Variants in GBE1 observed in about 807,000 individuals in gnomAD.
GBE1 encodes 1,4-alpha-glucan-branching enzyme.
In GBE1, 70 loss-of-function variants were observed where a neutral mutation model predicts 88.8. The ratio of observed to expected loss-of-function variants is 0.79; its 90% CI spans 0.65 to 0.96. The LOEUF (loss-of-function observed/expected upper bound fraction) is 0.96. GBE1 is among the 40% of genes least tolerant of loss of function. The pLI is 0.00. For synonymous variants in GBE1, 284 were observed against 300.1 expected (o/e 0.95, Z 0.56); for missense variants, 872 against 871.0 (o/e 1.00, Z -0.01).
At chr3:81,561,622 G>A (rs1703418074) in intron 12 of GBE1, among the ~76,000 whole-genome samples, 2 of 151,978 alleles carry the variant, frequency 1.3e-5, no homozygotes, top group Non-Finnish European at 2.9e-5. Context: ...AATTCTGGTG[G>A]CAAAAGGTCA....
At chr3:81,510,517 T>G (rs1702711676) in intron 14 of GBE1, among the ~76,000 whole-genome samples, 1 of 152,068 alleles carries the variant, frequency 6.6e-6, no homozygotes, top group Admixed American at 6.6e-5. Context: ...CATCATCACT[T>G]CAGTCTTTCC....
At chr3:81,695,805 C>A (rs1255505726) in intron 2 of GBE1, among the ~76,000 whole-genome samples, 1 of 152,062 alleles carries the variant, frequency 6.6e-6, no homozygotes, top group East Asian at 1.9e-4. Flanking sequence ...AAGGTCATTC[C>A]TTCTTGCTGA....
At chr3:81,504,817 G>A (rs1052238877) in intron 14 of GBE1, among the ~76,000 whole-genome samples, 4 of 152,158 alleles carry the variant, frequency 2.6e-5, no homozygotes, top group Non-Finnish European at 5.9e-5. Context: ...TTGATAAAGT[G>A]TCTGTTCAAA....
intron 2 of GBE1, among the ~76,000 whole-genome samples, chr3:81,683,519 C>T (rs1462646035): frequency 6.6e-6 from 1 of 152,110 alleles, no homozygotes; most frequent in East Asian, 1.9e-4. Flanking sequence ...AACAACTTAA[C>T]AACATTCAAA....
chr3:81,492,024 CTTCAA>C (rs1016893919), intron 15 of GBE1, among the ~76,000 whole-genome samples: 1 of 152,136 alleles, frequency 6.6e-6, no homozygotes, highest in Non-Finnish European at 1.5e-5. Flanking sequence ...TTTTTCTAAT[CTTCAA>C]TTCAAAGTAA....
At chr3:81,501,475 T>G (rs532580466) in intron 14 of GBE1, among the ~76,000 whole-genome samples, 2 of 152,068 alleles carry the variant, frequency 1.3e-5, no homozygotes, top group Admixed American at 1.3e-4. Flanking sequence ...CAGCTCAAAA[T>G]AATCAATAAG....
In GBE1 at chr3:81,631,590, A is replaced by C. The variant is rs113453195; in HGVS notation, c.992+11191T>G. 2.5e-3 allele frequency among the ~76,000 whole-genome samples: 386 copies of C among 151,500 alleles called. 3 individuals carry two copies. Among genetic ancestry groups the C allele is most frequent in the Middle Eastern group, 0.014 (4 of 294 alleles). ...TCTCTACTAAAATACAAAAAAAAAA[A>C]CAAAAAATTAGCCAGGTGTGGTGGT... On this transcript the variant is annotated intron_variant, in intron 7 of 15. Transcript: ENST00000429644.
intron 6 of GBE1, among the ~76,000 whole-genome samples, chr3:81,645,337 A>T (rs578163512): frequency 4.3e-4 from 65 of 152,296 alleles, no homozygotes; most frequent in African/African-American, 1.5e-3. Context: ...CAACAAGAGG[A>T]GGTTAAAATA....
intron 1 of GBE1, among the ~76,000 whole-genome samples, 162 bp from the exon 2 acceptor site, chr3:81,705,775 G>C (rs1210277630): frequency 6.6e-6 from 1 of 152,014 alleles, no homozygotes; most frequent in African/African-American, 2.4e-5. Context: ...TACCTGGTAG[G>C]ATAAAATCAT....
At chr3:81,685,929 G>A (rs1705430905) in intron 2 of GBE1, among the ~76,000 whole-genome samples, 1 of 152,144 alleles carries the variant, frequency 6.6e-6, no homozygotes, top group Admixed American at 6.5e-5. Flanking sequence ...CTGCTAAAAT[G>A]TGTCTGAAAT....
At chr3:81,760,824 A>G (rs1706669492) in intron 1 of GBE1, among the ~76,000 whole-genome samples, 1 of 152,238 alleles carries the variant, frequency 6.6e-6, no homozygotes, top group Non-Finnish European at 1.5e-5. Context: ...AAATTGATCA[A>G]TGTAGGTGTA....
intron 10 of GBE1, among the ~76,000 whole-genome samples, chr3:81,582,856 A>ACAAGGGAC (rs1437824655): frequency 6.6e-6 from 1 of 152,108 alleles, no homozygotes; most frequent in Non-Finnish European, 1.5e-5. Context: ...AGAGACCTAT[A>ACAAGGGAC]CAAGGGAAAA....
intron 1 of GBE1, among the ~76,000 whole-genome samples, chr3:81,729,926 C>T (rs1213462512): frequency 6.6e-6 from 1 of 152,130 alleles, no homozygotes; most frequent in Non-Finnish European, 1.5e-5. Context: ...GACTGATCAA[C>T]CAACTGTGTG....
At chr3:81,665,256 G>T (rs1327201248) in intron 3 of GBE1, among the ~76,000 whole-genome samples, 1 of 152,024 alleles carries the variant, frequency 6.6e-6, no homozygotes, top group African/African-American at 2.4e-5. Context: ...TTTGTTGGCC[G>T]GGCGTGGTGG....
In GBE1 at chr3:81,490,270, A is replaced by C; in HGVS notation, c.*137T>G. 1 of 726,816 alleles carries C rather than the reference A, an allele frequency of 1.4e-6. No individual in the cohort carries two copies. Among genetic ancestry groups the C allele is most frequent in the South Asian group, 1.6e-5 (1 of 61,002 alleles). 45.0% of individuals were successfully genotyped at this position (726,816 alleles called of 1,614,324 possible). On this transcript the variant is annotated 3_prime_UTR_variant, in exon 16 of 16. Coordinates refer to ENST00000429644, the MANE Select transcript of GBE1 (RefSeq NM_000158.4). Reference sequence around the variant, plus strand: ...AAAGTTTGCTGTATTTGCATAAACCAATATTGAATTTCAGACACTTGATGG... The same window carrying C: ...AAAGTTTGCTGTATTTGCATAAACCCATATTGAATTTCAGACACTTGATGG...
At chr3:81,574,271 T>C (rs559917083) in intron 12 of GBE1, among the ~76,000 whole-genome samples, 15 of 152,314 alleles carry the variant, frequency 9.8e-5, no homozygotes, top group Non-Finnish European at 2.1e-4. Flanking sequence ...ATATAGTTAA[T>C]GGAGTAACTG....
intron 3 of GBE1, among the ~76,000 whole-genome samples, chr3:81,655,495 T>C (rs1704920934): frequency 6.6e-6 from 1 of 151,272 alleles, no homozygotes; most frequent in Admixed American, 6.6e-5. Context: ...CCCGAAGAAA[T>C]AAATGTGTGT....
chr3:81,694,343 T>C (rs986464144), intron 2 of GBE1, among the ~76,000 whole-genome samples: 1 of 152,218 alleles, frequency 6.6e-6, no homozygotes, highest in South Asian at 2.1e-4. Flanking sequence ...TAATAGTATG[T>C]ACAAATGTAG....
At chr3:81,631,366 A>G (rs952742582) in intron 7 of GBE1, among the ~76,000 whole-genome samples, 2 of 151,324 alleles carry the variant, frequency 1.3e-5, no homozygotes, top group Admixed American at 1.3e-4. Flanking sequence ...AGTAGTCCAC[A>G]TAAAATCTAC....
Sources: gnomAD v4.1 joint callset for allele counts (sites outside exome capture counted in the v4.1 genomes callset) on GRCh38, gnomAD v4.1.1 for gene constraint, MANE v1.5 for transcripts, NCBI Gene and HGNC (gene_info 2026-07-23, HGNC 2026-07-21) for gene names.